The following PAFAH1B2 variants were observed in gnomAD, a reference collection of about 807,000 sequenced individuals.
PAFAH1B2 encodes platelet activating factor acetylhydrolase 1b catalytic subunit 2.
PAFAH1B2 carries 8 observed loss-of-function variants against 28.0 expected under a neutral mutation model. That is an observed-to-expected ratio of 0.29 (90% CI 0.17 to 0.52). The LOEUF (loss-of-function observed/expected upper bound fraction) is 0.52, where lower values mean the gene tolerates loss of function less well. Ranked by LOEUF, PAFAH1B2 falls within the 20% of genes least tolerant of loss-of-function variation. PAFAH1B2 has a pLI of 0.97. For synonymous variants in PAFAH1B2, 104 were observed against 103.2 expected, an observed-to-expected ratio of 1.01 and a Z score of -0.05; for missense variants, 190 against 282.6, an observed-to-expected ratio of 0.67 and a Z score of 2.35.
intron 2 of PAFAH1B2, among the ~76,000 whole-genome samples, chr11:117,157,963 C>T (rs1046402527): frequency 6.6e-6 from 1 of 151,896 alleles, no homozygotes; most frequent in African/African-American, 2.4e-5. Context: ...CATGGTGAAA[C>T]CCCATCTCTA....
At chr11:117,163,733 TTATC>T in intron 4 of PAFAH1B2, 33 bp from the exon 5 acceptor site, 1 of 1,609,020 alleles carries the variant, frequency 6.2e-7, no homozygotes. Context: ...TCCTGGGTAT[TTATC>T]TTCTCCTTCC....
intron 1 of PAFAH1B2, among the ~76,000 whole-genome samples, chr11:117,150,785 A>G (rs1956131430): frequency 6.6e-6 from 1 of 152,142 alleles, no homozygotes; most frequent in South Asian, 2.1e-4. Flanking sequence ...CAGGAGATCG[A>G]GACCGTCCTG....
At chr11:117,176,431 A>T in exon 6 of PAFAH1B2, 1 of 212,652 alleles carries the variant, frequency 4.7e-6, no homozygotes, top group Non-Finnish European at 9.5e-6. Flanking sequence ...AATAGTCTTC[A>T]TTGGAACAAG....
At position 117,168,261 on chromosome 11, in the gene PAFAH1B2, T is replaced by G. The variant is rs1223918518; in HGVS notation, c.*562T>G. 1 of 1,062,918 alleles carries G rather than the reference T, an allele frequency of 9.4e-7. No homozygotes were observed. Among genetic ancestry groups the G allele is most frequent in the Admixed American group, 5.4e-5 (1 of 18,630 alleles). 65.8% of individuals were successfully genotyped at this position (1,062,918 alleles called of 1,614,324 possible). ...ATGCTATAGTTAGAAGTGAATTTGT[T>G]CTGCTTTCTTAATCTTTTCCATGCT... On this transcript the variant is annotated 3_prime_UTR_variant, in exon 6 of 6. Coordinates refer to ENST00000527958, the MANE Select transcript of PAFAH1B2 (RefSeq NM_002572.4).
downstream of PAFAH1B2, among the ~76,000 whole-genome samples, chr11:117,173,341 C>T (rs1956713843): frequency 6.6e-6 from 1 of 152,172 alleles, no homozygotes; most frequent in African/African-American, 2.4e-5. Flanking sequence ...GTCTCTCTTC[C>T]TGTTCTTTAG....
Position 117,170,633 on chromosome 11 carries a change from A to G in PAFAH1B2, c.*2934A>G. On this transcript the variant is annotated 3_prime_UTR_variant, in exon 6 of 6. Transcript: ENST00000527958. ...TTAGGAATTTTGTCTGTTTAAAAAAAAAAAAAAAAAAAAAGTCCAACTTAC... is the reference window on the plus strand; with the variant it reads ...TTAGGAATTTTGTCTGTTTAAAAAAGAAAAAAAAAAAAAAGTCCAACTTAC... 1 of 1,056,356 alleles carries G rather than the reference A, an allele frequency of 9.5e-7. No individual in the cohort carries two copies. Among genetic ancestry groups the G allele is most frequent in the Non-Finnish European group, 1.1e-6 (1 of 873,770 alleles). 65.4% of individuals were successfully genotyped at this position (1,056,356 alleles called of 1,614,324 possible).
Position 117,163,969 on chromosome 11 carries a change from A to G in PAFAH1B2, c.411+77A>G, listed in dbSNP as rs938220364. On this transcript the variant is annotated intron_variant, in intron 5 of 5. Coordinates refer to ENST00000527958, the MANE Select transcript of PAFAH1B2 (RefSeq NM_002572.4). ...AATCTTTTTAGAAATGTGATTGCTCATGAATATTAGAGAACCTTGAGGTGG... is the reference window on the plus strand; with the variant it reads ...AATCTTTTTAGAAATGTGATTGCTCGTGAATATTAGAGAACCTTGAGGTGG... The G allele has an allele frequency of 5.4e-6, 8 of 1,473,996 alleles. No homozygotes were observed. The African/African-American group carries it at 8.4e-5, about 15-fold the overall frequency. 91.3% of individuals were successfully genotyped at this position (1,473,996 alleles called of 1,614,324 possible).
intron 4 of PAFAH1B2, among the ~76,000 whole-genome samples, chr11:117,162,893 A>G (rs745887269): frequency 6.6e-6 from 1 of 152,092 alleles, no homozygotes; most frequent in African/African-American, 2.4e-5. Flanking sequence ...TGGCATGATC[A>G]TGGCTTACTT....
intron 2 of PAFAH1B2, among the ~76,000 whole-genome samples, chr11:117,157,436 C>G (rs1482738346): frequency 6.6e-6 from 1 of 152,166 alleles, no homozygotes. Context: ...GCTGCCACAC[C>G]TGACCAGAGG....
At position 117,176,191 on chromosome 11, in the gene PAFAH1B2, CCAT is replaced by C; in HGVS notation, c.*1294_*1296del. 4 of 492,862 alleles carry C rather than the reference CCAT, an allele frequency of 8.1e-6. No individual in the cohort carries two copies. In the Admixed American group the frequency reaches 1.5e-4, roughly 19 times the overall value. 30.5% of individuals were successfully genotyped at this position (492,862 alleles called of 1,614,324 possible). On this transcript the variant is annotated 3_prime_UTR_variant, in exon 6 of 6. Transcript: ENST00000419197. ...ATAATGAGGGGTTGGCCAAGGAAAC[CCAT>C]AAGGTTATCTTCCAGCTGACTTTCT...
Position 117,144,399 on chromosome 11 carries a change from C to T in PAFAH1B2, c.-27C>T, listed in dbSNP as rs1285266472. On this transcript the variant is annotated 5_prime_UTR_variant, in exon 1 of 6. Coordinates refer to ENST00000527958, the MANE Select transcript of PAFAH1B2 (RefSeq NM_002572.4). ...GCCGACGCCTCAGCCGCTTGGGGCC[C>T]GCACGGACCCTCTACTTCAGTGAGT... 2 of 405,462 alleles carry T rather than the reference C, an allele frequency of 4.9e-6. No homozygotes were observed. Among genetic ancestry groups the T allele is most frequent in the Admixed American group, 2.6e-5 (1 of 38,816 alleles). 25.1% of individuals were successfully genotyped at this position (405,462 alleles called of 1,614,324 possible). A position where few individuals can be genotyped will look rare whatever the true frequency, so the allele number is the denominator to read the frequency against.
intron 1 of PAFAH1B2, among the ~76,000 whole-genome samples, chr11:117,151,805 C>T (rs1005268307): frequency 6.6e-6 from 1 of 152,032 alleles, no homozygotes; most frequent in African/African-American, 2.4e-5. Flanking sequence ...CTCCTGGGTT[C>T]ACGCCATTCT....
chr11:117,168,446 G>GTTTGGTGTTTTTTTTTTT lies in PAFAH1B2; in HGVS notation c.*750_*751insGGTGTTTTTTTTTTTTTT. 8.5e-6 allele frequency: 2 copies of GTTTGGTGTTTTTTTTTTT among 234,816 alleles called. No individual in the cohort carries two copies. Among genetic ancestry groups the GTTTGGTGTTTTTTTTTTT allele is most frequent in the Non-Finnish European group, 1.0e-5 (2 of 200,704 alleles). The allele number at this position is 234,816 out of a possible 1,614,324, so 14.5% of individuals were successfully genotyped here. ...TCCCCTTCATTCCCCCCGCCACCCC[G>GTTTGGTGTTTTTTTTTTT]TTTTTTTTTTTTTTTTTTTTTTTTT... On this transcript the variant is annotated 3_prime_UTR_variant, in exon 6 of 6. Transcript: ENST00000527958.
In PAFAH1B2 at chr11:117,169,953, C is replaced by T; in HGVS notation, c.*2254C>T. Reference sequence around the variant, plus strand: ...TCCCTTTGTGAGCTGGCCCTCAGCTCCTTTGCTCATGTGTACAAACCTCAG... The same window carrying T: ...TCCCTTTGTGAGCTGGCCCTCAGCTTCTTTGCTCATGTGTACAAACCTCAG... On this transcript the variant is annotated 3_prime_UTR_variant, in exon 6 of 6. Coordinates refer to ENST00000527958, the MANE Select transcript of PAFAH1B2 (RefSeq NM_002572.4). The T allele has an allele frequency of 9.5e-7, 1 of 1,053,300 alleles. No homozygotes were observed. Among genetic ancestry groups the T allele is most frequent in the Non-Finnish European group, 1.1e-6 (1 of 871,724 alleles). The allele number at this position is 1,053,300 out of a possible 1,614,324, so 65.2% of individuals were successfully genotyped here.
chr11:117,153,200 C>A (rs184230727), intron 2 of PAFAH1B2, among the ~76,000 whole-genome samples: 1 of 152,324 alleles, frequency 6.6e-6, no homozygotes, highest in East Asian at 1.9e-4. Context: ...TGCCTCTTCA[C>A]CATTCTGATG....
intron 1 of PAFAH1B2, among the ~76,000 whole-genome samples, chr11:117,147,478 A>G (rs969224792): frequency 3.3e-5 from 5 of 152,130 alleles, no homozygotes; most frequent in Non-Finnish European, 7.4e-5. Context: ...GATTACAGGC[A>G]TGAGACACTG....
chr11:117,163,709 G>T (rs115713103), intron 4 of PAFAH1B2, 61 bp from the exon 5 acceptor site: 4 of 1,471,338 alleles, frequency 2.7e-6, no homozygotes, highest in Non-Finnish European at 3.7e-6. Flanking sequence ...TCTAAATGTT[G>T]GACGTTCCTT....
intron 2 of PAFAH1B2, among the ~76,000 whole-genome samples, chr11:117,155,490 G>A (rs936355869): frequency 6.6e-6 from 1 of 152,126 alleles, no homozygotes; most frequent in Non-Finnish European, 1.5e-5. Context: ...TCCAAAAAGT[G>A]TAAATTAAAA....
At chr11:117,158,906 A>G (rs1031734398) in intron 2 of PAFAH1B2, among the ~76,000 whole-genome samples, 2 of 152,096 alleles carry the variant, frequency 1.3e-5, no homozygotes, top group South Asian at 2.1e-4. Flanking sequence ...TGGCCTCCCA[A>G]AGTGCTGGGA....
Sources: gnomAD v4.1 joint callset for allele counts (sites outside exome capture counted in the v4.1 genomes callset) on GRCh38, gnomAD v4.1.1 for gene constraint, MANE v1.5 for transcripts, NCBI Gene and HGNC (gene_info 2026-07-23, HGNC 2026-07-21) for gene names.